Variants in MAGT1 observed in about 807,000 individuals in gnomAD.
MAGT1 encodes magnesium transporter 1, also known as dolichyl-diphosphooligosaccharide--protein glycosyltransferase subunit MAGT1.
A neutral mutation model predicts 28.4 loss-of-function variants in MAGT1; 4 were observed. The observed-to-expected ratio is 0.14, with a 90% confidence interval of 0.07 to 0.32. The LOEUF (loss-of-function observed/expected upper bound fraction) is 0.32. Among genes scored for constraint, MAGT1 ranks in the 10% least tolerant of loss-of-function variants. The pLI, the probability that MAGT1 is intolerant of heterozygous loss-of-function variation, is 1.00. For synonymous variants in MAGT1, 89 were observed against 89.7 expected (o/e 0.99, Z 0.04); for missense variants, 193 against 264.5 (o/e 0.73, Z 1.88).
intron 8 of MAGT1, among the ~76,000 whole-genome samples, chrX:77,836,350 T>A (rs2076918258): frequency 1.8e-5 from 2 of 111,134 alleles, no homozygotes; most frequent in African/African-American, 6.5e-5. Context: ...TAGTCAATAA[T>A]AATTTAATTG....
In MAGT1 at chrX:77,828,325, G is replaced by A. The variant is rs2076888865; in HGVS notation, c.*895C>T. 9.1e-6 allele frequency: 1 copy of A among 110,296 alleles called. No individual in the cohort carries two copies. Among genetic ancestry groups the A allele is most frequent in the Non-Finnish European group, 1.9e-5 (1 of 52,941 alleles). 9.1% of individuals were successfully genotyped at this position (110,296 alleles called of 1,213,427 possible). A position where few individuals can be genotyped will look rare whatever the true frequency, so the allele number is the denominator to read the frequency against. On this transcript the variant is annotated 3_prime_UTR_variant, in exon 10 of 10. Transcript: ENST00000618282. ...TCACACATGTCATCCTCGCACTTTG[G>A]GAGACTGAGGCGGGCGGATCACTTG...
chrX:77,847,061 T>G (rs1165640108), intron 7 of MAGT1, among the ~76,000 whole-genome samples: 1 of 112,233 alleles, frequency 8.9e-6, no homozygotes, highest in East Asian at 2.8e-4. Flanking sequence ...CAGGCCTCCT[T>G]GAGCTGCGGT....
At chrX:77,886,767 G>C (rs2077069257) in intron 1 of MAGT1, among the ~76,000 whole-genome samples, 1 of 111,801 alleles carries the variant, frequency 8.9e-6, no homozygotes, top group African/African-American at 3.3e-5. Flanking sequence ...TGTTACACAT[G>C]TGATTCTTTA....
At chrX:77,843,789 C>T (rs1557214623) in intron 7 of MAGT1, among the ~76,000 whole-genome samples, 1 of 111,919 alleles carries the variant, frequency 8.9e-6, no homozygotes, top group Non-Finnish European at 1.9e-5. Flanking sequence ...CACCCATTAA[C>T]TCGTCATTTA....
At chrX:77,829,293 T>C (rs2076891510) in intron 9 of MAGT1, 58 bp from the exon 10 acceptor site, 1 of 999,683 alleles carries the variant, frequency 1.0e-6, no homozygotes, top group African/African-American at 1.9e-5. Context: ...GGATTTACTT[T>C]TAATCAATAA....
At position 77,827,662 on chromosome X, in the gene MAGT1, G is replaced by C. The variant is rs1457996434; in HGVS notation, c.*1558C>G. ...TCACCATGTTGGCCAGGATGGTCTC[G>C]AACTCCTGACCTCGTGATCTGCCTG... On this transcript the variant is annotated 3_prime_UTR_variant, in exon 10 of 10. Coordinates refer to ENST00000618282, the MANE Select transcript of MAGT1 (RefSeq NM_001367916.1). 1 of 108,886 alleles carries C rather than the reference G, an allele frequency of 9.2e-6. No individual in the cohort carries two copies. The highest frequency in any genetic ancestry group is 9.9e-5 in the Admixed American group (1 of 10,129). 9.0% of individuals were successfully genotyped at this position (108,886 alleles called of 1,213,427 possible).
intron 1 of MAGT1, among the ~76,000 whole-genome samples, chrX:77,890,418 G>A (rs975225340): frequency 8.9e-6 from 1 of 111,919 alleles, no homozygotes; most frequent in African/African-American, 3.2e-5. Context: ...ATCAGTTCAC[G>A]TACTTCCTGG....
intron 7 of MAGT1, among the ~76,000 whole-genome samples, chrX:77,844,189 G>A (rs782381200): frequency 8.9e-6 from 1 of 111,847 alleles, no homozygotes; most frequent in Non-Finnish European, 1.9e-5. Context: ...GGGTGTATGT[G>A]TCCAGGAATT....
intron 8 of MAGT1, among the ~76,000 whole-genome samples, chrX:77,831,215 C>G (rs1383142043): frequency 1.8e-5 from 2 of 110,187 alleles, no homozygotes; most frequent in African/African-American, 6.6e-5. Context: ...GACGGGGTTT[C>G]ACCTTGTTGG....
chrX:77,832,557 G>A (rs1473144351), intron 8 of MAGT1, among the ~76,000 whole-genome samples: 3 of 110,908 alleles, frequency 2.7e-5, no homozygotes, highest in African/African-American at 6.5e-5. Flanking sequence ...TCGGCCGGGC[G>A]CTGTGGCTCA....
At chrX:77,860,458 T>G (rs782359731) in intron 3 of MAGT1, among the ~76,000 whole-genome samples, 1 of 112,004 alleles carries the variant, frequency 8.9e-6, no homozygotes, top group South Asian at 3.7e-4. Context: ...GGAGGAATTA[T>G]CTGTAAATCA....
At position 77,845,527 on chromosome X, in the gene MAGT1, T is replaced by C. The variant is rs1603360343; in HGVS notation, c.827-4207A>G. On this transcript the variant is annotated intron_variant, in intron 7 of 9. Transcript: ENST00000618282. Reference sequence around the variant, plus strand: ...CTCGTTAGTTGATGCAGTTTCTTCCTAGCATCAATGGTCTTTACAATTTGG... The same window carrying C: ...CTCGTTAGTTGATGCAGTTTCTTCCCAGCATCAATGGTCTTTACAATTTGG... Among the ~76,000 whole-genome samples the C allele has an allele frequency of 4.5e-5, 5 of 111,961 alleles. No homozygotes were observed. The South Asian group carries it at 1.9e-3, about 42-fold the overall frequency.
chrX:77,880,456 G>C (rs1557218304), intron 1 of MAGT1, among the ~76,000 whole-genome samples: 1 of 109,762 alleles, frequency 9.1e-6, no homozygotes, highest in Non-Finnish European at 1.9e-5. Flanking sequence ...TTGAACCCGG[G>C]AGGTGGAGTT....
chrX:77,829,143 A>AT lies in MAGT1; in HGVS notation c.*76dup. The AT allele has an allele frequency of 1.2e-6, 1 of 853,351 alleles. No individual in the cohort carries two copies. The highest frequency in any genetic ancestry group is 1.7e-6 in the Non-Finnish European group (1 of 571,950). The allele number at this position is 853,351 out of a possible 1,213,427, so 70.3% of individuals were successfully genotyped here. ...AGGTAATACAAAATATACAAGTTGC[A>AT]TTCTTCTTTTCAAACACACACGATT... On this transcript the variant is annotated 3_prime_UTR_variant, in exon 10 of 10. Transcript: ENST00000618282.
chrX:77,849,064 A>G (rs1323215826), intron 7 of MAGT1, among the ~76,000 whole-genome samples: 2 of 107,282 alleles, frequency 1.9e-5, no homozygotes, highest in African/African-American at 6.7e-5. Context: ...GATTCCATTT[A>G]TTGTGTTTTC....
rs111466591 is a variant in MAGT1 at position 77,853,820 on chromosome X, C to T, written c.826+81G>A. The T allele has an allele frequency of 4.9e-6, 4 of 809,106 alleles. No individual in the cohort carries two copies. In the African/African-American group the frequency reaches 8.1e-5, roughly 16 times the overall value. The allele number at this position is 809,106 out of a possible 1,213,427, so 66.7% of individuals were successfully genotyped here. ...GTGACTTGCATTAAGAGAACAGCCCCAGCCAAATGCTGTAGAGAGAATACT... is the reference window on the plus strand; with the variant it reads ...GTGACTTGCATTAAGAGAACAGCCCTAGCCAAATGCTGTAGAGAGAATACT... On this transcript the variant is annotated intron_variant, in intron 7 of 9. Transcript: ENST00000618282.
At chrX:77,849,259 T>C (rs1412191947) in intron 7 of MAGT1, among the ~76,000 whole-genome samples, 2 of 108,422 alleles carry the variant, frequency 1.8e-5, no homozygotes, top group African/African-American at 3.4e-5. Context: ...GTACTTTTTT[T>C]AGTAGAGAAA....
intron 7 of MAGT1, among the ~76,000 whole-genome samples, chrX:77,842,423 CTTTA>C (rs1332220393): frequency 1.8e-5 from 2 of 111,442 alleles, no homozygotes; most frequent in African/African-American, 3.3e-5. Flanking sequence ...TTCAATAATA[CTTTA>C]TTTTTTAAAT....
chrX:77,874,069 C>T (rs1265201545), intron 2 of MAGT1, among the ~76,000 whole-genome samples: 1 of 108,763 alleles, frequency 9.2e-6, no homozygotes. Context: ...TCTGCAGTTT[C>T]GACCTCCCAG....
Sources: allele counts gnomAD v4.1 joint callset (sites outside exome capture counted in the v4.1 genomes callset), GRCh38; gene constraint gnomAD v4.1.1; transcripts MANE v1.5; gene names NCBI Gene and HGNC (gene_info 2026-07-23, HGNC 2026-07-21).